VLDLR: variants seen among roughly 807,000 people sequenced by gnomAD.
VLDLR encodes the protein very low density lipoprotein receptor, also known as very low-density lipoprotein receptor.
A neutral mutation model predicts 112.7 loss-of-function variants in VLDLR; 81 were observed. That is an observed-to-expected ratio of 0.72 (90% CI 0.60 to 0.86). The LOEUF (loss-of-function observed/expected upper bound fraction) is 0.86, where lower values mean the gene tolerates loss of function less well. VLDLR is among the 40% of genes least tolerant of loss of function. The pLI is 0.00. For missense variants in VLDLR, 1,237 were observed against 1,099.4 expected (o/e 1.13, Z -1.77); for synonymous variants, 436 against 384.8 (o/e 1.13, Z -1.56).
chr9:2,646,243 A>G lies in VLDLR; in HGVS notation c.1485-91A>G, dbSNP rs1333156780. On this transcript the variant is annotated intron_variant, in intron 10 of 18. Transcript: ENST00000382100. Reference sequence around the variant, plus strand: ...TGTTAACTGGATTTCTTTCTGAACAAAGTCATTGACCATTTTGTAAGCAAA... The same window carrying G: ...TGTTAACTGGATTTCTTTCTGAACAGAGTCATTGACCATTTTGTAAGCAAA... 5 of 1,255,218 alleles carry G rather than the reference A, an allele frequency of 4.0e-6. No individual in the cohort carries two copies. The East Asian group carries it at 1.2e-4, about 30-fold the overall frequency. The allele number at this position is 1,255,218 out of a possible 1,614,324, so 77.8% of individuals were successfully genotyped here.
intron 2 of VLDLR, among the ~76,000 whole-genome samples, chr9:2,637,664 G>C (rs538737410): frequency 6.6e-6 from 1 of 152,144 alleles, no homozygotes; most frequent in South Asian, 2.1e-4. Context: ...ATGGAGGGCC[G>C]GGTGCGGTGG....
intron 14 of VLDLR, among the ~76,000 whole-genome samples, chr9:2,649,660 G>A (rs1289514338): frequency 1.3e-5 from 2 of 152,154 alleles, no homozygotes; most frequent in Non-Finnish European, 2.9e-5. Flanking sequence ...CTAAAGTGCC[G>A]GAATTACAGG....
rs763961085 is a variant in VLDLR at position 2,650,383 on chromosome 9, TGAA to T, written c.2124_2126del (p.Glu708del). On this transcript the variant is annotated inframe_deletion, in exon 15 of 19. Transcript: ENST00000382100. The stretch of plus-strand genomic sequence containing the variant: ...TTTCCTGACTAGGTAAAAATTGGTG[TGAA>T]GAAGACATGGAGAATGGAGGATGTG... The T allele has an allele frequency of 1.1e-5, 18 of 1,613,902 alleles. No homozygotes were observed. The East Asian group carries it at 2.9e-4, about 26-fold the overall frequency.
At chr9:2,642,144 T>C (rs1744961960) in intron 4 of VLDLR, among the ~76,000 whole-genome samples, 1 of 152,180 alleles carries the variant, frequency 6.6e-6, no homozygotes, top group Non-Finnish European at 1.5e-5. Flanking sequence ...AATAAAATGC[T>C]GCATGTTGAA....
At chr9:2,633,071 T>A (rs927572788) in intron 1 of VLDLR, among the ~76,000 whole-genome samples, 2 of 149,478 alleles carry the variant, frequency 1.3e-5, no homozygotes, top group African/African-American at 5.1e-5. Flanking sequence ...TGTGTGTGTG[T>A]GTGTGTGTGT....
intron 2 of VLDLR, among the ~76,000 whole-genome samples, chr9:2,637,653 C>A (rs1817649811): frequency 6.6e-6 from 1 of 152,092 alleles, no homozygotes; most frequent in African/African-American, 2.4e-5. Flanking sequence ...GACTTAAAAT[C>A]ATGGAGGGCC....
In VLDLR at chr9:2,655,440, G is replaced by C. The variant is rs992339683; in HGVS notation, c.*1572G>C. On this transcript the variant is annotated 3_prime_UTR_variant, in exon 19 of 19. Coordinates refer to ENST00000382100, the MANE Select transcript of VLDLR (RefSeq NM_003383.5). ...GTGAGGTGGAGAGTTGGCTGTGGAA[G>C]GTACAGCAATTCCTCTGGAATTAAA... 2 of 152,140 alleles carry C rather than the reference G, an allele frequency of 1.3e-5. No individual in the cohort carries two copies. The highest frequency in any genetic ancestry group is 4.1e-4 in the South Asian group (2 of 4,830). 9.4% of individuals were successfully genotyped at this position (152,140 alleles called of 1,614,324 possible).
At position 2,658,420 on chromosome 9, in the gene VLDLR, G is replaced by T. The variant is rs180984727; in HGVS notation, c.*4552G>T. ...AATGCAAAAACACTGAGACAGGAGT[G>T]AGACCAGCTGCGGGTGGGGAGTTTG... On this transcript the variant is annotated 3_prime_UTR_variant, in exon 19 of 19. Transcript: ENST00000382100. 1 of 152,328 alleles carries T rather than the reference G, an allele frequency of 6.6e-6. No individual in the cohort carries two copies. Among genetic ancestry groups the T allele is most frequent in the East Asian group, 1.9e-4 (1 of 5,194 alleles). The allele number at this position is 152,328 out of a possible 1,614,324, so 9.4% of individuals were successfully genotyped here.
At chr9:2,632,713 A>G (rs947223962) in intron 1 of VLDLR, among the ~76,000 whole-genome samples, 18 of 152,074 alleles carry the variant, frequency 1.2e-4, no homozygotes, top group Non-Finnish European at 7.4e-5. Flanking sequence ...CAGAAAACTT[A>G]ACAGTGTTCC....
In VLDLR at chr9:2,659,821, C is replaced by G. The variant is rs961420491; in HGVS notation, c.*5953C>G. The G allele has an allele frequency of 6.6e-6, 1 of 152,144 alleles. No individual in the cohort carries two copies. The highest frequency in any genetic ancestry group is 1.5e-5 in the Non-Finnish European group (1 of 68,010). The allele number at this position is 152,144 out of a possible 1,614,324, so 9.4% of individuals were successfully genotyped here. A position where few individuals can be genotyped will look rare whatever the true frequency, so the allele number is the denominator to read the frequency against. On this transcript the variant is annotated 3_prime_UTR_variant, in exon 19 of 19. Coordinates refer to ENST00000382100, the MANE Select transcript of VLDLR (RefSeq NM_003383.5). ...CAAGGAGGAAGAGAGTTTTTTTGAA[C>G]AAAATGACTGGCTTTGACAAAACTA...
In VLDLR at chr9:2,645,725, A is replaced by G; in HGVS notation, c.1464A>G (p.Leu488=). Residue 488 remains leucine, a synonymous_variant, in exon 10 of 19, where the codon CTA becomes CTG. Transcript: ENST00000382100. ...IAAQKLFWAD[L]SQKAIFSASI... ...CCCAGAAACTATTCTGGGCCGATCT[A>G]AGCCAAAAGGCTATCTTCAGGTAAC... The G allele has an allele frequency of 1.9e-6, 3 of 1,614,190 alleles. No individual in the cohort carries two copies. Among genetic ancestry groups the G allele is most frequent in the Non-Finnish European group, 2.5e-6 (3 of 1,180,020 alleles).
chr9:2,644,193 T>G (rs1050220559), intron 7 of VLDLR, among the ~76,000 whole-genome samples: 11 of 146,118 alleles, frequency 7.5e-5, no homozygotes, highest in African/African-American at 2.5e-4. Context: ...AGTTCCACTC[T>G]TGTTGCCCAG....
chr9:2,650,557 C>G, intron 15 of VLDLR, 41 bp downstream of exon 15: 1 of 1,609,762 alleles, frequency 6.2e-7, no homozygotes, highest in Non-Finnish European at 8.5e-7. Context: ...GAACCTACAA[C>G]AAGCAATATA....
At chr9:2,627,630 CG>C (rs1753551498) in intron 1 of VLDLR, among the ~76,000 whole-genome samples, 2 of 152,012 alleles carry the variant, frequency 1.3e-5, no homozygotes, top group South Asian at 4.2e-4. Flanking sequence ...TTTTGGAGGC[CG>C]AGGCAGGCAG....
At chr9:2,643,078 T>C (rs1817893644) in intron 4 of VLDLR, 82 bp from the exon 5 acceptor site, 2 of 1,587,712 alleles carry the variant, frequency 1.3e-6, no homozygotes, top group Admixed American at 1.7e-5. Flanking sequence ...TGAATAAAGA[T>C]CAATGTATTA....
At chr9:2,648,949 A>G (rs1818192311) in intron 14 of VLDLR, 139 bp downstream of exon 14, 3 of 1,048,228 alleles carry the variant, frequency 2.9e-6, no homozygotes, top group Non-Finnish European at 2.8e-6. Context: ...TACCTTAAAC[A>G]TTTCACATGT....
intron 1 of VLDLR, 199 bp downstream of exon 1, chr9:2,622,470 C>T (rs1816854531): frequency 4.2e-6 from 2 of 473,802 alleles, no homozygotes; most frequent in Non-Finnish European, 7.1e-6. Flanking sequence ...TGGGGAACAG[C>T]GGGGTTCGGG....
At position 2,644,807 on chromosome 9, in the gene VLDLR, T is replaced by A; in HGVS notation, c.1140T>A (p.Cys380Ter). 2 of 1,614,170 alleles carry A rather than the reference T, an allele frequency of 1.2e-6. No individual in the cohort carries two copies. Among genetic ancestry groups the A allele is most frequent in the Non-Finnish European group, 1.7e-6 (2 of 1,180,026 alleles). ...AAGACCTAGTTATAGGCTACGAGTGTGACTGTGCAGCTGGGTTTGAACTGA... is the reference window on the plus strand; with the variant it reads ...AAGACCTAGTTATAGGCTACGAGTGAGACTGTGCAGCTGGGTTTGAACTGA... ...ICKDLVIGYE[C>*]DCAAGFELID... Residue 380 changes from cysteine (C) to a stop codon, truncating the protein, a stop_gained, in exon 8 of 19, where the codon TGT (cysteine) becomes TGA (stop). Transcript: ENST00000382100. LOFTEE classifies it high-confidence loss of function.
At position 2,658,248 on chromosome 9, in the gene VLDLR, GCTA is replaced by G. The variant is rs1187278517; in HGVS notation, c.*4384_*4386del. The G allele has an allele frequency of 6.6e-6, 1 of 152,188 alleles. No homozygotes were observed. Among genetic ancestry groups the G allele is most frequent in the East Asian group, 1.9e-4 (1 of 5,190 alleles). 9.4% of individuals were successfully genotyped at this position (152,188 alleles called of 1,614,324 possible). A position where few individuals can be genotyped will look rare whatever the true frequency, so the allele number is the denominator to read the frequency against. ...AACTTAGGGATCCATAGATAAATAA[GCTA>G]CTAACAAACTGATAACAGTGGTGTT... On this transcript the variant is annotated 3_prime_UTR_variant, in exon 19 of 19. Transcript: ENST00000382100.
Sources: gnomAD v4.1 joint callset for allele counts (sites outside exome capture counted in the v4.1 genomes callset) on GRCh38, gnomAD v4.1.1 for gene constraint, MANE v1.5 for transcripts, NCBI Gene and HGNC (gene_info 2026-07-23, HGNC 2026-07-21) for gene names.